Variants in COG6 observed in about 807,000 individuals in gnomAD.
COG6 encodes component of oligomeric golgi complex 6, also known as conserved oligomeric Golgi complex subunit 6.
COG6 carries 74 observed loss-of-function variants against 88.8 expected under a neutral mutation model. The ratio of observed to expected loss-of-function variants is 0.83; its 90% confidence interval spans 0.69 to 1.01. The LOEUF is 1.01. Ranked by LOEUF, COG6 falls within the 50% of genes least tolerant of loss-of-function variation. COG6 has a pLI of 0.00. For synonymous variants in COG6, 286 were observed against 278.7 expected, an observed-to-expected ratio of 1.03 and a Z score of -0.26; for missense variants, 800 against 797.9, an observed-to-expected ratio of 1.00 and a Z score of -0.03.
chr13:39,682,424 A>G, intron 8 of COG6, 160 bp downstream of exon 8: 1 of 598,544 alleles, frequency 1.7e-6, no homozygotes. Flanking sequence ...TTCATGGGGT[A>G]TCAGCTTATT....
intron 1 of COG6, chr13:39,656,155 G>T (rs1297935473): frequency 1.6e-6 from 1 of 612,172 alleles, no homozygotes; most frequent in Non-Finnish European, 3.1e-6. Flanking sequence ...GGTGAACGGT[G>T]GTGCCTCGAG....
downstream of COG6, among the ~76,000 whole-genome samples, chr13:39,754,931 A>G (rs1176141328): frequency 1.3e-5 from 2 of 152,182 alleles, no homozygotes; most frequent in Non-Finnish European, 2.9e-5. Context: ...GAGCACAGAA[A>G]ACAAAGTTTC....
At chr13:39,738,906 G>T (rs1879903478) in intron 18 of COG6, among the ~76,000 whole-genome samples, 1 of 152,164 alleles carries the variant, frequency 6.6e-6, no homozygotes, top group Non-Finnish European at 1.5e-5. Context: ...CAGGATTGAT[G>T]AGGAGTAGCT....
intron 7 of COG6, 116 bp downstream of exon 7, chr13:39,680,161 A>G (rs1329717673): frequency 2.0e-5 from 13 of 650,700 alleles, no homozygotes; most frequent in Non-Finnish European, 3.0e-5. Context: ...TTTTTTAAAA[A>G]TAAAAATAGT....
At chr13:39,710,172 A>G (rs926178666) in intron 13 of COG6, among the ~76,000 whole-genome samples, 3 of 152,102 alleles carry the variant, frequency 2.0e-5, no homozygotes, top group Non-Finnish European at 4.4e-5. Flanking sequence ...AGTTTCTCTC[A>G]CTAACCTTTC....
Position 39,761,308 on chromosome 13 carries a change from T to C in COG6, c.1827-27027T>C, listed in dbSNP as rs540950806. Among the ~76,000 whole-genome samples, 26 of 152,142 alleles carry C rather than the reference T, an allele frequency of 1.7e-4. No individual in the cohort carries two copies. In the South Asian group the frequency reaches 5.2e-3, roughly 30 times the overall value. On this transcript the variant is annotated intron_variant, in intron 18 of 18. Coordinates refer to the COG6 transcript ENST00000416691. Reference sequence around the variant, plus strand: ...TTACACTTAAACTTATTTGTTGCTGTATATAGAAATGGAATTGACTTCTAT... The same window carrying C: ...TTACACTTAAACTTATTTGTTGCTGCATATAGAAATGGAATTGACTTCTAT...
At chr13:39,696,097 T>A (rs1469673955) in intron 12 of COG6, among the ~76,000 whole-genome samples, 1 of 151,986 alleles carries the variant, frequency 6.6e-6, no homozygotes, top group Non-Finnish European at 1.5e-5. Context: ...TAGGTTTTTT[T>A]AGGCTCTGAG....
At chr13:39,761,104 G>A (rs1183441741) in intron 18 of COG6, among the ~76,000 whole-genome samples, 1 of 151,868 alleles carries the variant, frequency 6.6e-6, no homozygotes, top group African/African-American at 2.4e-5. Flanking sequence ...TCAATTTGAG[G>A]AGAATTGATA....
chr13:39,773,677 G>A (rs1255043521), intron 18 of COG6, among the ~76,000 whole-genome samples: 4 of 152,184 alleles, frequency 2.6e-5, no homozygotes, highest in Admixed American at 1.3e-4. Flanking sequence ...TTTAAAGCTA[G>A]TAGTTTTGAG....
rs1248826131 is a variant in COG6 at position 39,752,171 on chromosome 13, A to C, written c.*1078A>C. 2.6e-6 allele frequency: 3 copies of C among 1,168,940 alleles called. No homozygotes were observed. The highest frequency in any genetic ancestry group is 3.3e-6 in the Non-Finnish European group (3 of 909,836). 72.4% of individuals were successfully genotyped at this position (1,168,940 alleles called of 1,614,324 possible). On this transcript the variant is annotated 3_prime_UTR_variant, in exon 19 of 19. Transcript: ENST00000455146. ...GCAAAAAAAAACTTAATTTCTAGTAAATCTATAAAAATGGGTAAGTCCCTA... is the reference window on the plus strand; with the variant it reads ...GCAAAAAAAAACTTAATTTCTAGTACATCTATAAAAATGGGTAAGTCCCTA...
At chr13:39,761,462 C>T (rs9532429) in intron 18 of COG6, among the ~76,000 whole-genome samples, 62,797 of 151,636 alleles carry the variant, frequency 0.41, 13,374 homozygotes, top group Admixed American at 0.56. Context: ...CACTTCAGTA[C>T]CCTGGCCTGG....
intron 13 of COG6, among the ~76,000 whole-genome samples, chr13:39,717,590 A>G (rs1307734641): frequency 6.6e-6 from 1 of 152,118 alleles, no homozygotes; most frequent in Non-Finnish European, 1.5e-5. Context: ...TGTAAGGCCA[A>G]GCACAGCAGT....
At chr13:39,790,020 T>C (rs138454922) in exon 19 of COG6, 10 of 152,326 alleles carry the variant, frequency 6.6e-5, no homozygotes, top group African/African-American at 2.2e-4. Flanking sequence ...GAGGTAGGGT[T>C]CCATTGCTAT....
rs754675343 is a variant in COG6, at chr13:39,751,418, G to A, written c.*325G>A. The A allele has an allele frequency of 1.5e-5, 19 of 1,294,686 alleles. No individual in the cohort carries two copies. The South Asian group carries it at 2.0e-4, about 14-fold the overall frequency. 80.2% of individuals were successfully genotyped at this position (1,294,686 alleles called of 1,614,324 possible). ...TGAAGAATTTTTTTTTACAAGACTAGTTCTAAATTAACAGCTTATAAAAAA... is the reference window on the plus strand; with the variant it reads ...TGAAGAATTTTTTTTTACAAGACTAATTCTAAATTAACAGCTTATAAAAAA... On this transcript the variant is annotated 3_prime_UTR_variant, in exon 19 of 19. Coordinates refer to ENST00000455146, the MANE Select transcript of COG6 (RefSeq NM_020751.3).
At chr13:39,670,603 C>T (rs1357322465) in intron 4 of COG6, among the ~76,000 whole-genome samples, 3 of 151,946 alleles carry the variant, frequency 2.0e-5, no homozygotes, top group Non-Finnish European at 4.4e-5. Flanking sequence ...AAATTATTTA[C>T]GTAAGTTGCT....
chr13:39,759,551 G>T (rs1254763906), intron 18 of COG6, among the ~76,000 whole-genome samples: 3 of 152,028 alleles, frequency 2.0e-5, no homozygotes, highest in African/African-American at 7.2e-5. Context: ...CCTACATATG[G>T]TTACTTTGGG....
chr13:39,766,723 A>G lies in COG6; in HGVS notation c.1827-21612A>G, dbSNP rs1881176972. 2.6e-5 allele frequency among the ~76,000 whole-genome samples: 4 copies of G among 152,304 alleles called. No homozygotes were observed. The South Asian group carries it at 8.3e-4, about 32-fold the overall frequency. On this transcript the variant is annotated intron_variant, in intron 18 of 18. Transcript: ENST00000416691. The stretch of plus-strand genomic sequence containing the variant: ...ATCAGCACCCCCTCCCCAAGCTCCC[A>G]CAGAAGAAGCAGATGGGGATCTTGG...
chr13:39,725,028 G>A (rs1251411448), intron 17 of COG6, among the ~76,000 whole-genome samples: 2 of 151,594 alleles, frequency 1.3e-5, no homozygotes, highest in African/African-American at 4.8e-5. Flanking sequence ...TTCTTTTCAG[G>A]TGAAGATCTT....
rs142984333 is a variant in COG6 at position 39,679,604 on chromosome 13, A to G, written c.607A>G (p.Asn203Asp). ...HNDVKVLLRTNQQTAGLEIME... is the reference protein window; with the variant it reads ...HNDVKVLLRTDQQTAGLEIME... ...TGATGTCAAAGTTCTCTTGCGTACA[A>G]ATCAACAAACGGCAGGGTGAGTAAC... is the stretch of plus-strand genomic sequence containing the variant. The change falls in exon 6 of 19, where the codon AAT becomes GAT. Residue 203 changes from asparagine (N) to aspartate (D), a missense_variant. Coordinates refer to ENST00000455146, the MANE Select transcript of COG6 (RefSeq NM_020751.3). The G allele has an allele frequency of 1.9e-6, 3 of 1,605,210 alleles. No homozygotes were observed. The highest frequency in any genetic ancestry group is 1.7e-5 in the Admixed American group (1 of 59,990).
Sources: gnomAD v4.1 joint callset for allele counts (sites outside exome capture counted in the v4.1 genomes callset) on GRCh38, gnomAD v4.1.1 for gene constraint, MANE v1.5 for transcripts, NCBI Gene and HGNC (gene_info 2026-07-23, HGNC 2026-07-21) for gene names.